Variants in CHODL observed in about 807,000 individuals in gnomAD.
CHODL encodes the protein chondrolectin, also known as transmembrane protein MT75.
CHODL carries 29 observed loss-of-function variants against 34.5 expected under a neutral mutation model. The observed-to-expected ratio is 0.84, with a 90% CI of 0.63 to 1.15. CHODL has a LOEUF of 1.15. CHODL is among the 50% of genes most tolerant of loss of function. CHODL has a pLI of 0.00. For missense variants in CHODL, 332 were observed against 332.5 expected (o/e 1.00, Z 0.01); for synonymous variants, 125 against 116.1 (o/e 1.08, Z -0.49).
chr21:18,076,067 G>C (rs2064862199), intron 2 of CHODL, among the ~76,000 whole-genome samples: 1 of 152,166 alleles, frequency 6.6e-6, no homozygotes, highest in Non-Finnish European at 1.5e-5. Context: ...ATGCCACCTA[G>C]TTTATGGCAT....
intron 1 of CHODL, among the ~76,000 whole-genome samples, chr21:18,000,273 A>G (rs962010282): frequency 7.9e-5 from 12 of 152,148 alleles, no homozygotes; most frequent in Non-Finnish European, 1.6e-4. Flanking sequence ...TTGTAGTGAA[A>G]GGATGATCCT....
At chr21:18,218,237 C>T (rs2073849842) in intron 2 of CHODL, among the ~76,000 whole-genome samples, 1 of 152,242 alleles carries the variant, frequency 6.6e-6, no homozygotes, top group African/African-American at 2.4e-5. Flanking sequence ...TGCCCTGCAG[C>T]AGACTTCTGT....
At chr21:18,043,606 G>A (rs2064403754) in intron 2 of CHODL, among the ~76,000 whole-genome samples, 2 of 151,886 alleles carry the variant, frequency 1.3e-5, no homozygotes, top group Non-Finnish European at 2.9e-5. Flanking sequence ...CCAGAAGGAT[G>A]ACATGATGCT....
intron 2 of CHODL, among the ~76,000 whole-genome samples, chr21:18,236,839 T>C (rs187640116): frequency 1.3e-3 from 204 of 152,246 alleles, no homozygotes; most frequent in African/African-American, 4.7e-3. Context: ...TAAAATTTTA[T>C]TTTGTGTTGT....
intron 1 of CHODL, among the ~76,000 whole-genome samples, chr21:17,968,687 A>ACACCT (rs1369989445): frequency 6.6e-6 from 1 of 152,200 alleles, no homozygotes; most frequent in Non-Finnish European, 1.5e-5. Flanking sequence ...CACATGGTGG[A>ACACCT]CACCTGACAA....
chr21:18,162,492 C>A (rs927637435), intron 2 of CHODL, among the ~76,000 whole-genome samples: 6 of 149,742 alleles, frequency 4.0e-5, no homozygotes, highest in African/African-American at 1.5e-4. Context: ...TGTCTGTGTC[C>A]AAATTTACCC....
At chr21:18,176,191 G>C (rs189741960) in intron 2 of CHODL, among the ~76,000 whole-genome samples, 34 of 152,268 alleles carry the variant, frequency 2.2e-4, no homozygotes, top group African/African-American at 8.2e-4. Flanking sequence ...AAAACATTTA[G>C]AGATAAGTTA....
intron 2 of CHODL, among the ~76,000 whole-genome samples, chr21:18,125,818 A>C (rs909569627): frequency 6.6e-6 from 1 of 152,164 alleles, no homozygotes; most frequent in Non-Finnish European, 1.5e-5. Context: ...AAAAAGAAAA[A>C]CAGCTCACAA....
Position 18,133,551 on chromosome 21 carries a change from C to T in CHODL, c.-45+105580C>T, listed in dbSNP as rs952491419. The stretch of plus-strand genomic sequence containing the variant: ...CCACTTTTATTCTGGACAATCTTTA[C>T]AGGAAGTTTGTACAGCAAACAGAGT... On this transcript the variant is annotated intron_variant, in intron 2 of 6. Coordinates refer to the CHODL transcript ENST00000400127. Among the ~76,000 whole-genome samples, 35 of 152,200 alleles carry T rather than the reference C, an allele frequency of 2.3e-4. 1 individual carries two copies. The highest frequency in any genetic ancestry group is 7.5e-4 in the African/African-American group (31 of 41,538).
chr21:18,090,626 CAGAG>C (rs1156453416), intron 2 of CHODL, among the ~76,000 whole-genome samples: 1 of 142,982 alleles, frequency 7.0e-6, no homozygotes, highest in African/African-American at 2.6e-5. Flanking sequence ...AAGTCTGCCA[CAGAG>C]AGAATGAAAG....
At chr21:18,084,812 T>C (rs1260735684) in intron 2 of CHODL, among the ~76,000 whole-genome samples, 2 of 152,136 alleles carry the variant, frequency 1.3e-5, no homozygotes, top group African/African-American at 2.4e-5. Flanking sequence ...CTAAGCCTAA[T>C]GCTTACTTGC....
chr21:18,132,088 T>G (rs1291070043), intron 2 of CHODL, among the ~76,000 whole-genome samples: 2 of 152,112 alleles, frequency 1.3e-5, no homozygotes. Context: ...AAGTTCTTTT[T>G]TTATTATTAT....
At chr21:18,097,138 A>G (rs2065149841) in intron 2 of CHODL, among the ~76,000 whole-genome samples, 2 of 152,194 alleles carry the variant, frequency 1.3e-5, no homozygotes, top group Non-Finnish European at 2.9e-5. Flanking sequence ...AAAAATAAAA[A>G]GCCATTTCTT....
At chr21:18,120,692 T>C (rs953522790) in intron 2 of CHODL, among the ~76,000 whole-genome samples, 3 of 152,192 alleles carry the variant, frequency 2.0e-5, no homozygotes, top group African/African-American at 7.2e-5. Flanking sequence ...AATGTTTTCC[T>C]ATGCTGTCCA....
At chr21:17,990,749 C>T (rs528076877) in intron 1 of CHODL, among the ~76,000 whole-genome samples, 64 of 152,068 alleles carry the variant, frequency 4.2e-4, no homozygotes, top group African/African-American at 1.3e-3. Flanking sequence ...TATATACATA[C>T]AATGTATAAT....
chr21:17,926,978 ACACACACACACACACG>A (rs1243138466), intron 1 of CHODL, among the ~76,000 whole-genome samples: 3 of 148,950 alleles, frequency 2.0e-5, no homozygotes, highest in African/African-American at 5.1e-5. Flanking sequence ...AAATACACAG[ACACACACACACACACG>A]CACACACACA....
At chr21:18,031,757 G>A (rs1439429655) in intron 2 of CHODL, among the ~76,000 whole-genome samples, 1 of 152,034 alleles carries the variant, frequency 6.6e-6, no homozygotes, top group African/African-American at 2.4e-5. Context: ...GATTCTACTT[G>A]AGGCCCAATA....
intron 1 of CHODL, among the ~76,000 whole-genome samples, chr21:18,002,800 G>A (rs551190290): frequency 6.6e-6 from 1 of 152,144 alleles, no homozygotes; most frequent in Non-Finnish European, 1.5e-5. Context: ...GGTGCTTGTA[G>A]GATGGATACA....
intron 2 of CHODL, among the ~76,000 whole-genome samples, chr21:18,133,777 G>A (rs1055335055): frequency 2.6e-5 from 4 of 152,146 alleles, no homozygotes; most frequent in East Asian, 3.9e-4. Context: ...GGGCACGGGG[G>A]TGATAGGAAT....
Sources: allele counts gnomAD v4.1 joint callset (sites outside exome capture counted in the v4.1 genomes callset), GRCh38; gene constraint gnomAD v4.1.1; transcripts MANE v1.5; gene names NCBI Gene and HGNC (gene_info 2026-07-23, HGNC 2026-07-21).